FGL1: variants seen among roughly 807,000 people sequenced by gnomAD.
The protein encoded by FGL1 is fibrinogen like 1, also known as fibrinogen-like protein 1.
Under a neutral mutation model 43.7 loss-of-function variants are expected in FGL1, and 59 were observed. The observed-to-expected ratio is 1.35, with a 90% CI of 1.10 to 1.68. FGL1 has a LOEUF of 1.68. Ranked by LOEUF, FGL1 falls within the 40% of genes most tolerant of loss-of-function variation. The pLI, the probability that FGL1 is intolerant of heterozygous loss-of-function variation, is 0.00. For synonymous variants in FGL1, 192 were observed against 126.5 expected, an observed-to-expected ratio of 1.52 and a Z score of -3.48; for missense variants, 596 against 373.0, an observed-to-expected ratio of 1.60 and a Z score of -4.92.
chr8:17,882,216 A>AT, intron 2 of FGL1, 37 bp from the exon 3 acceptor site: 1 of 1,518,346 alleles, frequency 6.6e-7, no homozygotes, highest in Non-Finnish European at 8.9e-7. Flanking sequence ...TATGCACCTC[A>AT]TTTTCATGGA....
intron 1 of FGL1, among the ~76,000 whole-genome samples, chr8:17,887,852 T>C (rs1186344546): frequency 6.6e-6 from 1 of 151,300 alleles, no homozygotes; most frequent in Non-Finnish European, 1.5e-5. Flanking sequence ...AAAAAAAGTA[T>C]CTCTAGACCC....
chr8:17,881,513 A>T (rs1281968220), intron 3 of FGL1, among the ~76,000 whole-genome samples: 3 of 151,166 alleles, frequency 2.0e-5, no homozygotes, highest in Non-Finnish European at 4.4e-5. Flanking sequence ...TAGCATTCAC[A>T]TTAAATGCCC....
chr8:17,888,422 G>A (rs2053660038), intron 1 of FGL1, among the ~76,000 whole-genome samples: 1 of 152,038 alleles, frequency 6.6e-6, no homozygotes, highest in African/African-American at 2.4e-5. Flanking sequence ...TAAAAACATT[G>A]ACTGCACTAA....
chr8:17,893,530 T>C (rs899940686), intron 1 of FGL1, among the ~76,000 whole-genome samples: 1 of 150,492 alleles, frequency 6.6e-6, no homozygotes, highest in Non-Finnish European at 1.5e-5. Flanking sequence ...TGTCTCTTGA[T>C]GTCCTGAAAT....
At chr8:17,874,876 C>G (rs938496997) in intron 3 of FGL1, among the ~76,000 whole-genome samples, 6 of 151,976 alleles carry the variant, frequency 3.9e-5, no homozygotes, top group Non-Finnish European at 8.8e-5. Flanking sequence ...TTCAAACAAT[C>G]CTATCCTCCC....
At chr8:17,872,252 C>T (rs2053374813) in intron 5 of FGL1, among the ~76,000 whole-genome samples, 1 of 149,244 alleles carries the variant, frequency 6.7e-6, no homozygotes, top group Non-Finnish European at 1.5e-5. Context: ...ACACCAATAG[C>T]TTTCCAGAAC....
chr8:17,875,516 T>C (rs749016139), intron 3 of FGL1, among the ~76,000 whole-genome samples: 198 of 10,994 alleles, frequency 0.018, 1 homozygote, highest in African/African-American at 0.035. Flanking sequence ...TCTTTCTTTC[T>C]TTCTTTCTTT....
At chr8:17,882,420 C>T (rs1283710668) in intron 2 of FGL1, 3 of 370,082 alleles carry the variant, frequency 8.1e-6, no homozygotes, top group African/African-American at 4.2e-5. Flanking sequence ...TAATTGGAAT[C>T]GCTATGCTAG....
chr8:17,874,540 A>G lies in FGL1; in HGVS notation c.245-19T>C. ...GAACAATCTGTTTTTAAAACAAGGT[A>G]ATGTAACATTCATTATGTGTCTTTT... On this transcript the variant is annotated intron_variant, in intron 3 of 7. Coordinates refer to ENST00000427924, the MANE Select transcript of FGL1 (RefSeq NM_004467.4). 6.3e-7 allele frequency: 1 copy of G among 1,596,018 alleles called. No individual in the cohort carries two copies. Among genetic ancestry groups the G allele is most frequent in the Non-Finnish European group, 8.6e-7 (1 of 1,168,648 alleles).
chr8:17,893,602 A>G (rs2053736832), intron 1 of FGL1, among the ~76,000 whole-genome samples: 1 of 147,832 alleles, frequency 6.8e-6, no homozygotes, highest in South Asian at 2.1e-4. Context: ...GTCTGGTAGC[A>G]TATAAACAAT....
At chr8:17,891,844 T>A in intron 1 of FGL1, 1 of 968,612 alleles carries the variant, frequency 1.0e-6, no homozygotes, top group Non-Finnish European at 1.2e-6. Flanking sequence ...TCTTAATGAA[T>A]TATGCTTTTC....
intron 2 of FGL1, among the ~76,000 whole-genome samples, chr8:17,885,131 C>T (rs1563459628): frequency 6.6e-6 from 1 of 151,688 alleles, no homozygotes; most frequent in Non-Finnish European, 1.5e-5. Flanking sequence ...ATCTCCGCCT[C>T]CTGGGTTCAA....
intron 2 of FGL1, 132 bp downstream of exon 2, chr8:17,885,360 C>A: frequency 1.4e-6 from 1 of 721,424 alleles, no homozygotes. Flanking sequence ...GTATTTCTAC[C>A]AGCCTCTTTG....
chr8:17,876,514 A>G (rs1038107049), intron 3 of FGL1, among the ~76,000 whole-genome samples: 1 of 152,208 alleles, frequency 6.6e-6, no homozygotes, highest in Non-Finnish European at 1.5e-5. Flanking sequence ...GTTCATATAC[A>G]TGCTAAATTA....
intron 3 of FGL1, among the ~76,000 whole-genome samples, chr8:17,875,087 C>T (rs2053424843): frequency 6.6e-6 from 1 of 152,166 alleles, no homozygotes; most frequent in South Asian, 2.1e-4. Flanking sequence ...GAAATGTTAA[C>T]ACCAAAGTTA....
intron 3 of FGL1, among the ~76,000 whole-genome samples, chr8:17,875,611 T>C (rs1452236246): frequency 6.8e-6 from 1 of 147,624 alleles, no homozygotes; most frequent in Non-Finnish European, 1.5e-5. Context: ...CTTTCTTTCT[T>C]TCTTTTCCTT....
At chr8:17,870,965 G>C (rs866154318) in intron 5 of FGL1, among the ~76,000 whole-genome samples, 9 of 152,014 alleles carry the variant, frequency 5.9e-5, no homozygotes, top group African/African-American at 1.7e-4. Flanking sequence ...ACCAGGACGA[G>C]AACATCCTGA....
chr8:17,869,668 G>A (rs1450477776), intron 5 of FGL1, among the ~76,000 whole-genome samples: 1 of 152,154 alleles, frequency 6.6e-6, no homozygotes, highest in African/African-American at 2.4e-5. Flanking sequence ...AATTTCAGAG[G>A]CAATAAGGAA....
At position 17,895,458 on chromosome 8, in the gene FGL1, A is replaced by G. The variant is rs1294424767; in HGVS notation, c.-29T>C. Reference sequence around the variant, plus strand: ...ATTAAATAACTTGCCTAAAGTCAGAAGTGAGTCAGAGACCCAGCTCAGGTT... The same window carrying G: ...ATTAAATAACTTGCCTAAAGTCAGAGGTGAGTCAGAGACCCAGCTCAGGTT... On this transcript the variant is annotated 5_prime_UTR_variant, in exon 1 of 8. Coordinates refer to ENST00000427924, the MANE Select transcript of FGL1 (RefSeq NM_004467.4). 7.8e-7 allele frequency: 1 copy of G among 1,282,742 alleles called. No homozygotes were observed. The highest frequency in any genetic ancestry group is 1.0e-6 in the Non-Finnish European group (1 of 983,124). 79.5% of individuals were successfully genotyped at this position (1,282,742 alleles called of 1,614,324 possible).
Sources: allele counts gnomAD v4.1 joint callset (sites outside exome capture counted in the v4.1 genomes callset), GRCh38; gene constraint gnomAD v4.1.1; transcripts MANE v1.5; gene names NCBI Gene and HGNC (gene_info 2026-07-23, HGNC 2026-07-21).